Variants in CKMT2 observed in about 807,000 individuals in gnomAD.
CKMT2 encodes creatine kinase, mitochondrial 2, also known as creatine kinase S-type, mitochondrial.
A neutral mutation model predicts 48.9 loss-of-function variants in CKMT2; 43 were observed. The observed-to-expected ratio is 0.88, with a 90% CI of 0.69 to 1.13. The LOEUF is 1.13. Among genes scored for constraint, CKMT2 ranks in the 50% most tolerant of loss-of-function variants. The probability of loss-of-function intolerance (pLI) is 0.00; values close to 1 mark genes in which losing one functional copy is unlikely to be tolerated. For missense variants in CKMT2, 472 were observed against 555.4 expected (o/e 0.85, Z 1.51); for synonymous variants, 206 against 213.0 (o/e 0.97, Z 0.29).
chr5:81,257,041 G>A (rs1339476839), intron 6 of CKMT2, 41 bp downstream of exon 6: 1 of 1,549,020 alleles, frequency 6.5e-7, no homozygotes. Flanking sequence ...ATCTGTAGAG[G>A]ATGTTTTTGA....
intron 1 of CKMT2, among the ~76,000 whole-genome samples, chr5:81,245,705 C>T (rs1230529758): frequency 6.6e-6 from 1 of 152,174 alleles, no homozygotes; most frequent in African/African-American, 2.4e-5. Flanking sequence ...TCCCAGGAGC[C>T]AGCGGGATGG....
intron 1 of CKMT2, among the ~76,000 whole-genome samples, chr5:81,247,209 A>T (rs988816157): frequency 8.5e-5 from 13 of 152,198 alleles, no homozygotes; most frequent in Admixed American, 7.9e-4. Context: ...ACATGGAGGG[A>T]ACTGAAAACG....
chr5:81,265,035 A>ATTT (rs566107911), intron 9 of CKMT2, among the ~76,000 whole-genome samples: 321 of 152,236 alleles, frequency 2.1e-3, no homozygotes, highest in African/African-American at 7.5e-3. Flanking sequence ...TGTTTTCCTG[A>ATTT]TTTTATGTTT....
Position 81,264,720 on chromosome 5 carries a change from C to T in CKMT2, c.1140+1104C>T, listed in dbSNP as rs184392609. Among the ~76,000 whole-genome samples, 12 of 152,156 alleles carry T rather than the reference C, an allele frequency of 7.9e-5. 1 individual carries two copies. The highest frequency in any genetic ancestry group is 2.6e-4 in the African/African-American group (11 of 41,518). ...AGTTAATGCTTTAAAAATGTTAAGT[C>T]TAACTATACTAGGCAGTCACTATAA... On this transcript the variant is annotated intron_variant, in intron 9 of 9. Transcript: ENST00000254035.
chr5:81,266,014 G>C, intron 9 of CKMT2, 125 bp from the exon 10 acceptor site: 1 of 754,410 alleles, frequency 1.3e-6, no homozygotes, highest in Middle Eastern at 2.7e-4. Flanking sequence ...TTTCTGAGAA[G>C]GAAGGAATTG....
chr5:81,233,781 T>A (rs1007810904), intron 1 of CKMT2, among the ~76,000 whole-genome samples: 3 of 152,146 alleles, frequency 2.0e-5, no homozygotes, highest in African/African-American at 7.2e-5. Flanking sequence ...CTGGGAATGT[T>A]TTTCCCCAGC....
chr5:81,257,920 G>A (rs1482839904), intron 7 of CKMT2, 64 bp downstream of exon 7: 2 of 1,494,124 alleles, frequency 1.3e-6, no homozygotes, highest in African/African-American at 2.8e-5. Context: ...GTTTGTTCTT[G>A]AAAGAAGACA....
chr5:81,253,323 CTAT>C (rs1756886468), intron 3 of CKMT2, among the ~76,000 whole-genome samples: 1 of 152,120 alleles, frequency 6.6e-6, no homozygotes, highest in African/African-American at 2.4e-5. Context: ...TCCTCTTATT[CTAT>C]TATTATTACT....
rs527342692 is a variant in CKMT2 at position 81,263,393 on chromosome 5, T to G, written c.1015-98T>G. The G allele has an allele frequency of 2.6e-5, 14 of 546,974 alleles. No individual in the cohort carries two copies. In the African/African-American group the frequency reaches 2.8e-4, roughly 11 times the overall value. The allele number at this position is 546,974 out of a possible 1,614,324, so 33.9% of individuals were successfully genotyped here. A position where few individuals can be genotyped will look rare whatever the true frequency, so the allele number is the denominator to read the frequency against. On this transcript the variant is annotated intron_variant, in intron 8 of 9. Transcript: ENST00000254035. ...TTATTATATATATAAAAAGTTAAAC[T>G]GTTATCTCTCACTATATGTCTTTTG...
intron 8 of CKMT2, among the ~76,000 whole-genome samples, chr5:81,261,508 G>C (rs971829412): frequency 6.6e-6 from 1 of 152,124 alleles, no homozygotes; most frequent in Non-Finnish European, 1.5e-5. Context: ...CAAAGTCTCA[G>C]GATACAAAAT....
In CKMT2 at chr5:81,251,093, C is replaced by G; in HGVS notation, c.-20-20C>G. On this transcript the variant is annotated intron_variant, in intron 1 of 9. Coordinates refer to ENST00000254035, the MANE Select transcript of CKMT2 (RefSeq NM_001099735.2). ...GGGTCATCCTATGAAGCTATCTAATCCAGCTTCTTTGCTTTCCAGACACTC... is the reference window on the plus strand; with the variant it reads ...GGGTCATCCTATGAAGCTATCTAATGCAGCTTCTTTGCTTTCCAGACACTC... 1 of 1,604,976 alleles carries G rather than the reference C, an allele frequency of 6.2e-7. No individual in the cohort carries two copies. The highest frequency in any genetic ancestry group is 8.5e-7 in the Non-Finnish European group (1 of 1,174,098).
At chr5:81,257,449 A>G (rs959765065) in intron 6 of CKMT2, among the ~76,000 whole-genome samples, 5 of 152,124 alleles carry the variant, frequency 3.3e-5, no homozygotes, top group African/African-American at 1.2e-4. Flanking sequence ...GCCAAATGTT[A>G]TATAGTTGAA....
At chr5:81,248,873 T>C (rs575143115) in intron 1 of CKMT2, among the ~76,000 whole-genome samples, 2 of 152,186 alleles carry the variant, frequency 1.3e-5, no homozygotes, top group African/African-American at 4.8e-5. Flanking sequence ...TCAGGTTTAG[T>C]AGAGACTTCG....
intron 1 of CKMT2, among the ~76,000 whole-genome samples, chr5:81,248,590 T>C (rs1044852403): frequency 1.3e-5 from 2 of 152,226 alleles, no homozygotes; most frequent in Non-Finnish European, 2.9e-5. Context: ...GAAGTTTCCA[T>C]GATGAGAATG....
At chr5:81,243,020 C>CT (rs1756490271) in intron 1 of CKMT2, among the ~76,000 whole-genome samples, 1 of 152,166 alleles carries the variant, frequency 6.6e-6, no homozygotes, top group Non-Finnish European at 1.5e-5. Context: ...GTTAACTTCC[C>CT]TAATTGCTGG....
chr5:81,252,640 T>G (rs555822774), intron 2 of CKMT2, 55 bp from the exon 3 acceptor site: 1 of 1,576,572 alleles, frequency 6.3e-7, no homozygotes, highest in South Asian at 1.1e-5. Flanking sequence ...AGTCCTTCCA[T>G]TGGCCCCTTT....
chr5:81,250,940 A>AATACACACACACACACAC, intron 1 of CKMT2, among the ~76,000 whole-genome samples, 173 bp from the exon 2 acceptor site: 1 of 132,998 alleles, frequency 7.5e-6, no homozygotes, highest in Non-Finnish European at 1.6e-5. Context: ...AGAAATAGAA[A>AATACACACACACACACAC]ACACACACAC....
intron 8 of CKMT2, among the ~76,000 whole-genome samples, chr5:81,260,555 T>C (rs965931744): frequency 1.3e-5 from 2 of 152,058 alleles, no homozygotes; most frequent in Non-Finnish European, 2.9e-5. Context: ...CGTACAGAAA[T>C]ACAAACTACC....
At chr5:81,244,836 T>C in intron 1 of CKMT2, 1 of 147,032 alleles carries the variant, frequency 6.8e-6, no homozygotes, top group East Asian at 2.0e-4. Context: ...TGGGCATGCA[T>C]CCCCCTCACT....
Sources: allele counts gnomAD v4.1 joint callset (sites outside exome capture counted in the v4.1 genomes callset), GRCh38; gene constraint gnomAD v4.1.1; transcripts MANE v1.5; gene names NCBI Gene and HGNC (gene_info 2026-07-23, HGNC 2026-07-21).